Variants in TBCB observed in about 807,000 individuals in gnomAD.
TBCB encodes the protein tubulin folding cofactor B, also known as tubulin-folding cofactor B.
In TBCB, 18 loss-of-function variants were observed where a neutral mutation model predicts 29.2. The ratio of observed to expected loss-of-function variants is 0.62; its 90% CI spans 0.43 to 0.91. The LOEUF is 0.91. Among genes scored for constraint, TBCB ranks in the 40% least tolerant of loss-of-function variants. The pLI is 0.00. For missense variants in TBCB, 336 were observed against 337.6 expected, an observed-to-expected ratio of 1.00 and a Z score of 0.04; for synonymous variants, 172 against 137.8, an observed-to-expected ratio of 1.25 and a Z score of -1.74.
At chr19:36,120,219 C>T (rs1270199339) in intron 2 of TBCB, among the ~76,000 whole-genome samples, 3 of 152,134 alleles carry the variant, frequency 2.0e-5, no homozygotes, top group Non-Finnish European at 4.4e-5. Flanking sequence ...GGGCAGAGTG[C>T]GTCTGTGTTT....
chr19:36,115,305 G>A, upstream of TBCB: 1 of 546,948 alleles, frequency 1.8e-6, no homozygotes, highest in Non-Finnish European at 3.2e-6. Context: ...TTCCCGGGCC[G>A]CTATTGGAAG....
intron 2 of TBCB, among the ~76,000 whole-genome samples, chr19:36,118,218 A>G (rs1233282714): frequency 6.6e-6 from 1 of 152,138 alleles, no homozygotes; most frequent in Admixed American, 6.5e-5. Flanking sequence ...GCATCTGAGA[A>G]GTTCTAGTGT....
At chr19:36,120,500 G>T in intron 2 of TBCB, 1 of 560,318 alleles carries the variant, frequency 1.8e-6, no homozygotes. Flanking sequence ...GGCAGCCTCT[G>T]GGAGCTTGGA....
chr19:36,120,905 G>A, intron 3 of TBCB, 99 bp downstream of exon 3: 1 of 1,155,910 alleles, frequency 8.7e-7, no homozygotes, highest in East Asian at 2.5e-5. Flanking sequence ...AGGGAGGCCA[G>A]TGGTGTAGAC....
intron 4 of TBCB, among the ~76,000 whole-genome samples, chr19:36,123,930 G>C (rs1244015146): frequency 6.6e-6 from 1 of 152,118 alleles, no homozygotes; most frequent in East Asian, 1.9e-4. Context: ...TCTGTGCCTA[G>C]GAGTGGAATC....
At position 36,115,593 on chromosome 19, in the gene TBCB, G is replaced by C. The variant is rs1166431334; in HGVS notation, c.33G>C (p.Val11=). The change falls in exon 1 of 6, where the codon GTG becomes GTC. Residue 11 remains valine (V), a synonymous_variant. Transcript: ENST00000221855. ...TGACGGGGGTGTCGGCACCCACGGT[G>C]ACCGTTTTCATCAGCAGCTCCCTCA... is the stretch of plus-strand genomic sequence containing the variant. MEVTGVSAPT[V]TVFISSSLNT... 6.2e-7 allele frequency: 1 copy of C among 1,610,296 alleles called. No individual in the cohort carries two copies. The highest frequency in any genetic ancestry group is 1.7e-5 in the Admixed American group (1 of 59,778).
intron 2 of TBCB, among the ~76,000 whole-genome samples, chr19:36,117,416 C>T (rs1008162772): frequency 6.6e-6 from 1 of 152,224 alleles, no homozygotes; most frequent in East Asian, 1.9e-4. Context: ...GTGATCTCAG[C>T]TCACTGCAAC....
At chr19:36,125,634 C>T (rs2145912231) in intron 5 of TBCB, 34 bp from the exon 6 acceptor site, 1 of 1,604,304 alleles carries the variant, frequency 6.2e-7, no homozygotes, top group South Asian at 1.1e-5. Context: ...TGTGAGGGTC[C>T]TCTGACCACA....
rs1168512653 is a variant in TBCB at position 36,116,028 on chromosome 19, C to G, written c.115-13C>G. ...CGTGGCCTCCTTCTTCTCACCCTGCCTCCTCCTCACAGTGTAAACTGGAGT... is the reference window on the plus strand; with the variant it reads ...CGTGGCCTCCTTCTTCTCACCCTGCGTCCTCCTCACAGTGTAAACTGGAGT... On this transcript the variant is annotated splice_polypyrimidine_tract_variant and intron_variant, in intron 1 of 5. Coordinates refer to ENST00000221855, the MANE Select transcript of TBCB (RefSeq NM_001281.3). 3.1e-6 allele frequency: 5 copies of G among 1,610,482 alleles called. No individual in the cohort carries two copies. The East Asian group carries it at 6.7e-5, about 22-fold the overall frequency.
Position 36,125,726 on chromosome 19 carries a change from G to A in TBCB, c.679G>A (p.Ala227Thr). The change falls in exon 6 of 6, where the codon GCA becomes ACA. Residue 227 changes from alanine to threonine, a missense_variant. Ala to Thr is a moderately conservative substitution (Grantham distance 58). Transcript: ENST00000221855. The part of the protein sequence containing the change: ...QAKYGAFVKP[A>T]VVTVGDFPEE... ...CAAGTATGGCGCCTTTGTCAAGCCA[G>A]CAGTCGTGACGGTGGGGGACTTCCC... 6.3e-7 allele frequency: 1 copy of A among 1,579,010 alleles called. No individual in the cohort carries two copies. The highest frequency in any genetic ancestry group is 8.6e-7 in the Non-Finnish European group (1 of 1,162,022).
intron 2 of TBCB, 85 bp from the exon 3 acceptor site, chr19:36,120,625 G>T: frequency 1.7e-6 from 2 of 1,163,944 alleles, no homozygotes; most frequent in Non-Finnish European, 2.6e-6. Flanking sequence ...GTTTTTCCCA[G>T]ATGGAGACAC....
intron 3 of TBCB, among the ~76,000 whole-genome samples, chr19:36,121,010 G>A (rs1175472456): frequency 2.7e-5 from 4 of 150,124 alleles, no homozygotes; most frequent in African/African-American, 7.4e-5. Flanking sequence ...GGTGTCAGGG[G>A]TATGGGCAGT....
At chr19:36,115,926 C>T in intron 1 of TBCB, 115 bp from the exon 2 acceptor site, 3 of 1,461,032 alleles carry the variant, frequency 2.1e-6, no homozygotes, top group Admixed American at 1.9e-5. Context: ...GGATTGCGGC[C>T]CCGTGCGTCC....
chr19:36,119,107 C>T (rs1428389284), intron 2 of TBCB, among the ~76,000 whole-genome samples: 1 of 152,182 alleles, frequency 6.6e-6, no homozygotes, highest in Admixed American at 6.5e-5. Context: ...GGTTCAGGTA[C>T]ACACAGACCT....
intron 4 of TBCB, chr19:36,122,289 A>T (rs1291423947): frequency 5.7e-6 from 1 of 174,912 alleles, no homozygotes; most frequent in African/African-American, 2.4e-5. Flanking sequence ...GATTTTTTTA[A>T]AAAGAACAGG....
At chr19:36,118,165 G>C (rs60393405) in intron 2 of TBCB, among the ~76,000 whole-genome samples, 2,485 of 152,254 alleles carry the variant, frequency 0.016, 79 homozygotes, top group African/African-American at 0.056. Flanking sequence ...TTGATTAACT[G>C]TTCATTCCCC....
At chr19:36,116,239 A>G in intron 2 of TBCB, 55 bp downstream of exon 2, 1 of 1,597,536 alleles carries the variant, frequency 6.3e-7, no homozygotes, top group South Asian at 1.1e-5. Context: ...TTGGTTATTC[A>G]ACAGACACTT....
Position 36,121,683 on chromosome 19 carries a change from G to A in TBCB, c.512G>A (p.Gly171Glu), listed in dbSNP as rs758504002. ...AGCCGCTGTGAGGTGCGGGCGGCGG[G>A]ACAATCCCCTCGCCGGGGCACCGTC... The part of the protein sequence containing the change: ...VGSRCEVRAA[G>E]QSPRRGTVMY... Residue 171 changes from glycine (G) to glutamate (E), a missense_variant, in exon 4 of 6, where the codon GGA becomes GAA. Gly to Glu is a moderately conservative substitution (Grantham distance 98). Transcript: ENST00000221855. 1.8e-5 allele frequency: 28 copies of A among 1,559,632 alleles called. No individual in the cohort carries two copies. Among genetic ancestry groups the A allele is most frequent in the African/African-American group, 4.1e-5 (3 of 73,554 alleles).
At position 36,116,110 on chromosome 19, in the gene TBCB, A is replaced by G; in HGVS notation, c.184A>G (p.Lys62Glu). Reference protein sequence around the residue: ...MELELYGVDDKFYSKLDQEDA... With the variant: ...MELELYGVDDEFYSKLDQEDA... ...ACTGGAGCTGTATGGAGTTGACGAC[A>G]AGTTCTACAGCAAGCTGGATCAAGA... Residue 62 changes from lysine to glutamate, a missense_variant, in exon 2 of 6, where the codon AAG becomes GAG. By Grantham distance (56) the Lys-to-Glu change is moderately conservative (BLOSUM62 1). Transcript: ENST00000221855. 10 of 1,614,162 alleles carry G rather than the reference A, an allele frequency of 6.2e-6. No homozygotes were observed. Among genetic ancestry groups the G allele is most frequent in the Non-Finnish European group, 8.5e-6 (10 of 1,180,018 alleles).
Sources: allele counts gnomAD v4.1 joint callset (sites outside exome capture counted in the v4.1 genomes callset), GRCh38; gene constraint gnomAD v4.1.1; transcripts MANE v1.5; gene names NCBI Gene and HGNC (gene_info 2026-07-23, HGNC 2026-07-21).